Variants in NAALADL2 observed in about 807,000 individuals in gnomAD.
NAALADL2 encodes the protein inactive N-acetylated-alpha-linked acidic dipeptidase-like protein 2.
In NAALADL2, 76 loss-of-function variants were observed where a neutral mutation model predicts 87.2. The ratio of observed to expected loss-of-function variants is 0.87; its 90% CI spans 0.72 to 1.05. The LOEUF (loss-of-function observed/expected upper bound fraction) is 1.05, where lower values mean the gene tolerates loss of function less well. Among genes scored for constraint, NAALADL2 ranks in the 50% least tolerant of loss-of-function variants. The probability of loss-of-function intolerance (pLI) is 0.00; values close to 1 mark genes in which losing one functional copy is unlikely to be tolerated. For synonymous variants in NAALADL2, 354 were observed against 331.0 expected, an observed-to-expected ratio of 1.07 and a Z score of -0.75; for missense variants, 1,089 against 945.8, an observed-to-expected ratio of 1.15 and a Z score of -1.99.
intron 3 of NAALADL2, among the ~76,000 whole-genome samples, chr3:175,249,103 T>C (rs1353466468): frequency 3.9e-5 from 6 of 152,132 alleles, no homozygotes; most frequent in Non-Finnish European, 8.8e-5. Flanking sequence ...ATAGCTACTC[T>C]TGTTTATTTT....
At chr3:175,370,578 A>G (rs571447343) in intron 5 of NAALADL2, among the ~76,000 whole-genome samples, 116 of 152,216 alleles carry the variant, frequency 7.6e-4, no homozygotes, top group South Asian at 5.0e-3. Flanking sequence ...TGGCCGTAAG[A>G]GTCACTTGCT....
intron 1 of NAALADL2, among the ~76,000 whole-genome samples, chr3:174,924,258 G>C (rs899538844): frequency 1.6e-5 from 2 of 125,110 alleles, no homozygotes; most frequent in Non-Finnish European, 3.1e-5. Flanking sequence ...CCCCCTTCCT[G>C]TGTCCAACTG....
chr3:175,464,796 T>C (rs1327142202), intron 7 of NAALADL2, among the ~76,000 whole-genome samples: 2 of 152,202 alleles, frequency 1.3e-5, no homozygotes, highest in Non-Finnish European at 2.9e-5. Context: ...CAACCTCTGA[T>C]TATAGTTCTT....
chr3:174,571,816 G>GA (rs995811198), intron 2 of NAALADL2, among the ~76,000 whole-genome samples: 20 of 151,768 alleles, frequency 1.3e-4, no homozygotes, highest in Middle Eastern at 3.4e-3. Flanking sequence ...AATGACTCAA[G>GA]AAAAAAAATA....
chr3:175,566,775 TTTC>T (rs1231171392), intron 9 of NAALADL2, among the ~76,000 whole-genome samples: 1 of 152,162 alleles, frequency 6.6e-6, no homozygotes, highest in Admixed American at 6.5e-5. Flanking sequence ...TCAGCATATC[TTTC>T]TTCTTTATAT....
At chr3:175,144,273 T>C (rs894934310) in intron 2 of NAALADL2, among the ~76,000 whole-genome samples, 3 of 152,020 alleles carry the variant, frequency 2.0e-5, no homozygotes, top group East Asian at 1.9e-4. Context: ...AATGGAGAAA[T>C]ACAAAAAGCC....
intron 1 of NAALADL2, among the ~76,000 whole-genome samples, chr3:175,040,100 G>A (rs1244827029): frequency 6.6e-6 from 1 of 152,124 alleles, no homozygotes; most frequent in African/African-American, 2.4e-5. Flanking sequence ...GTGTCAATCT[G>A]TCTACTTAGC....
At chr3:174,484,096 A>G (rs1391666236) in intron 1 of NAALADL2, among the ~76,000 whole-genome samples, 3 of 152,054 alleles carry the variant, frequency 2.0e-5, no homozygotes, top group African/African-American at 7.2e-5. Flanking sequence ...AATACATGAG[A>G]TGACGGATTT....
chr3:175,482,895 G>T (rs763225084), intron 9 of NAALADL2, among the ~76,000 whole-genome samples: 3 of 151,794 alleles, frequency 2.0e-5, no homozygotes, highest in African/African-American at 7.3e-5. Flanking sequence ...TTTACTAGAT[G>T]TGGGGAATTA....
chr3:174,607,929 C>T (rs1171812174), intron 2 of NAALADL2, among the ~76,000 whole-genome samples: 1 of 151,984 alleles, frequency 6.6e-6, no homozygotes, highest in Non-Finnish European at 1.5e-5. Context: ...AAGCTCTCCT[C>T]AGCAAATGTA....
chr3:174,766,670 T>C (rs527946543), intron 3 of NAALADL2, among the ~76,000 whole-genome samples: 4 of 152,208 alleles, frequency 2.6e-5, no homozygotes, highest in Non-Finnish European at 4.4e-5. Context: ...TATTATAGAA[T>C]TGGAATCTTT....
chr3:175,233,896 T>A (rs1745393973), intron 2 of NAALADL2, 35 bp from the exon 3 acceptor site: 1 of 1,293,946 alleles, frequency 7.7e-7, no homozygotes, highest in African/African-American at 1.5e-5. Context: ...AGTATTCTCC[T>A]TTTTAAAAAA....
intron 2 of NAALADL2, among the ~76,000 whole-genome samples, chr3:174,597,783 A>C (rs1193349048): frequency 6.6e-6 from 1 of 152,176 alleles, no homozygotes; most frequent in Non-Finnish European, 1.5e-5. Flanking sequence ...AATGTGAGCT[A>C]TTCACCCACT....
At position 175,364,609 on chromosome 3, in the gene NAALADL2, A is replaced by G. The variant is rs189736558; in HGVS notation, c.1090+40284A>G. ...AATTATTTTTGGAATGCAGCAGCTG[A>G]GACCCAAGCTTGATGTTCCCAAAAC... On this transcript the variant is annotated intron_variant, in intron 5 of 13. Transcript: ENST00000454872. 6.2e-4 allele frequency among the ~76,000 whole-genome samples: 91 copies of G among 147,870 alleles called. 3 individuals carry two copies. The highest frequency in any genetic ancestry group is 1.6e-3 in the African/African-American group (64 of 40,842).
At chr3:175,780,135 G>T (rs1340978352) in intron 13 of NAALADL2, among the ~76,000 whole-genome samples, 3 of 151,688 alleles carry the variant, frequency 2.0e-5, no homozygotes, top group Non-Finnish European at 2.9e-5. Flanking sequence ...AATTAGCCGG[G>T]CGTGGTGGTG....
At chr3:175,372,807 G>C (rs191916641) in intron 5 of NAALADL2, among the ~76,000 whole-genome samples, 12 of 152,332 alleles carry the variant, frequency 7.9e-5, no homozygotes, top group Non-Finnish European at 1.3e-4. Flanking sequence ...TAGGATGGCT[G>C]TAAGATCCCA....
chr3:175,385,693 T>G (rs940265497), intron 5 of NAALADL2, among the ~76,000 whole-genome samples: 2 of 152,128 alleles, frequency 1.3e-5, no homozygotes, highest in East Asian at 1.9e-4. Flanking sequence ...TTACCTTGAT[T>G]TGAGTATATG....
intron 9 of NAALADL2, 25 bp downstream of exon 9, chr3:175,471,783 A>G (rs778729011): frequency 6.4e-7 from 1 of 1,570,362 alleles, no homozygotes; most frequent in Admixed American, 2.1e-5. Context: ...TATTGTATCA[A>G]ATGATTATGC....
At chr3:174,723,094 CAGAG>C (rs1359701222) in intron 2 of NAALADL2, among the ~76,000 whole-genome samples, 1 of 151,260 alleles carries the variant, frequency 6.6e-6, no homozygotes, top group Non-Finnish European at 1.5e-5. Context: ...CAGAGAGAGA[CAGAG>C]AGACTGAATC....
Sources: allele counts gnomAD v4.1 joint callset (sites outside exome capture counted in the v4.1 genomes callset), GRCh38; gene constraint gnomAD v4.1.1; transcripts MANE v1.5; gene names NCBI Gene and HGNC (gene_info 2026-07-23, HGNC 2026-07-21).